ANXA4: variants seen among roughly 807,000 people sequenced by gnomAD.
ANXA4 encodes annexin A4.
A neutral mutation model predicts 49.8 loss-of-function variants in ANXA4; 39 were observed. The ratio of observed to expected loss-of-function variants is 0.78; its 90% CI spans 0.61 to 1.02. The LOEUF (loss-of-function observed/expected upper bound fraction) is 1.02. Ranked by LOEUF, ANXA4 falls within the 50% of genes least tolerant of loss-of-function variation. ANXA4 has a pLI of 0.00. For missense variants in ANXA4, 360 were observed against 410.1 expected (o/e 0.88, Z 1.05); for synonymous variants, 134 against 152.5 (o/e 0.88, Z 0.89).
At chr2:69,670,649 T>C (rs1400220060) in intron 2 of ANXA4, among the ~76,000 whole-genome samples, 1 of 151,848 alleles carries the variant, frequency 6.6e-6, no homozygotes, top group East Asian at 1.9e-4. Context: ...GACATATACA[T>C]GGGGAAGAGT....
chr2:69,816,827 T>C (rs1674014566), intron 9 of ANXA4: 1 of 152,264 alleles, frequency 6.6e-6, no homozygotes, highest in Non-Finnish European at 1.5e-5. Flanking sequence ...ATACGAGTTC[T>C]TTAGATCTTT....
At chr2:69,795,235 T>C (rs1672895273) in intron 3 of ANXA4, among the ~76,000 whole-genome samples, 1 of 152,250 alleles carries the variant, frequency 6.6e-6, no homozygotes, top group South Asian at 2.1e-4. Flanking sequence ...GAGTGAGGGC[T>C]GTTTTGAAAT....
chr2:69,744,124 A>C (rs2105473793), intron 1 of ANXA4, among the ~76,000 whole-genome samples: 1 of 152,310 alleles, frequency 6.6e-6, no homozygotes, highest in East Asian at 1.9e-4. Flanking sequence ...CCTGGGCAAC[A>C]TAGCAAGACC....
At chr2:69,762,935 G>A (rs1055400930) in intron 1 of ANXA4, among the ~76,000 whole-genome samples, 3 of 152,066 alleles carry the variant, frequency 2.0e-5, no homozygotes, top group Admixed American at 6.6e-5. Context: ...CCGTAAGTCC[G>A]TTTCACTTCC....
At chr2:69,737,826 C>A (rs1253669121), upstream of ANXA4, among the ~76,000 whole-genome samples, 1 of 152,042 alleles carries the variant, frequency 6.6e-6, no homozygotes, top group Non-Finnish European at 1.5e-5. Context: ...TTTCTTCTCC[C>A]CCTATACTCT....
At chr2:69,692,555 C>T (rs72901404) in intron 2 of ANXA4, among the ~76,000 whole-genome samples, 3,058 of 152,228 alleles carry the variant, frequency 0.02, 112 homozygotes, top group African/African-American at 0.069. Flanking sequence ...TTGCATATTG[C>T]CTGTTTTCTA....
At chr2:69,733,423 G>C (rs1453396476) in intron 3 of ANXA4, among the ~76,000 whole-genome samples, 2 of 152,064 alleles carry the variant, frequency 1.3e-5, no homozygotes, top group Non-Finnish European at 2.9e-5. Context: ...GGGCAATATA[G>C]TGAGACCCCA....
In ANXA4 at chr2:69,723,725, C is replaced by T. The variant is rs147741677; in HGVS notation, n.864+2854C>T. Among the ~76,000 whole-genome samples the T allele has an allele frequency of 9.9e-3, 1,508 of 152,220 alleles. 22 individuals carry two copies. The highest frequency in any genetic ancestry group is 0.033 in the African/African-American group (1,361 of 41,540). ...GATGCTATTTTATTTTGTTTTCTTTCTTCTAATAGAGACAGGGTCTTGCTA... is the reference window on the plus strand; with the variant it reads ...GATGCTATTTTATTTTGTTTTCTTTTTTCTAATAGAGACAGGGTCTTGCTA... On this transcript the variant is annotated intron_variant and non_coding_transcript_variant, in intron 3 of 3. Coordinates refer to the ANXA4 transcript ENST00000418066.
intron 1 of ANXA4, among the ~76,000 whole-genome samples, chr2:69,746,343 C>G (rs1670612578): frequency 6.6e-6 from 1 of 152,164 alleles, no homozygotes; most frequent in African/African-American, 2.4e-5. Context: ...ATCACATCTC[C>G]CTTGTGATTT....
chr2:69,816,833 T>C (rs1433550073), intron 9 of ANXA4: 1 of 152,262 alleles, frequency 6.6e-6, no homozygotes, highest in Non-Finnish European at 1.5e-5. Flanking sequence ...GTTCTTTAGA[T>C]CTTTAAGTAC....
upstream of ANXA4, among the ~76,000 whole-genome samples, chr2:69,739,874 G>A (rs983331019): frequency 2.6e-5 from 4 of 152,172 alleles, no homozygotes; most frequent in Non-Finnish European, 5.9e-5. Context: ...GGAAGCCTCC[G>A]AGTAAGTGAG....
chr2:69,772,303 G>A (rs1443227851), intron 1 of ANXA4, among the ~76,000 whole-genome samples: 3 of 152,238 alleles, frequency 2.0e-5, no homozygotes, highest in African/African-American at 4.8e-5. Flanking sequence ...GCAGCTTATG[G>A]ATTGTAGAAA....
At chr2:69,745,577 C>T (rs925142035) in intron 1 of ANXA4, among the ~76,000 whole-genome samples, 2 of 152,074 alleles carry the variant, frequency 1.3e-5, no homozygotes, top group African/African-American at 4.8e-5. Context: ...GTCACTCAGG[C>T]TGGAGTGCAA....
At chr2:69,649,101 G>C (rs1676126249) in intron 1 of ANXA4, among the ~76,000 whole-genome samples, 1 of 151,842 alleles carries the variant, frequency 6.6e-6, no homozygotes, top group African/African-American at 2.4e-5. Flanking sequence ...GGTCAGGCTG[G>C]TCTCGAGCTC....
rs571663502 is a variant in ANXA4 at position 69,719,451 on chromosome 2, T to A, written n.767-1323T>A. Among the ~76,000 whole-genome samples the A allele has an allele frequency of 7.0e-4, 106 of 151,608 alleles. 1 individual carries two copies. The East Asian group carries it at 9.5e-3, about 14-fold the overall frequency. On this transcript the variant is annotated intron_variant and non_coding_transcript_variant, in intron 2 of 3. Coordinates refer to the ANXA4 transcript ENST00000418066. ...GTAATTTTTAAAAATTATTATTATT[T>A]TTTTTTGAGACGGAGTCTTGCTCTG... is the stretch of plus-strand genomic sequence containing the variant.
intron 2 of ANXA4, among the ~76,000 whole-genome samples, chr2:69,661,822 A>G (rs953925017): frequency 6.6e-6 from 1 of 152,116 alleles, no homozygotes; most frequent in Non-Finnish European, 1.5e-5. Context: ...GATTTCTTGT[A>G]AGTCTGTACA....
chr2:69,740,609 C>T (rs1670360218), upstream of ANXA4, among the ~76,000 whole-genome samples: 5 of 151,100 alleles, frequency 3.3e-5, no homozygotes, highest in Admixed American at 2.6e-4. Flanking sequence ...CGTGGCTATG[C>T]ACCCGGCTAA....
intron 3 of ANXA4, among the ~76,000 whole-genome samples, chr2:69,730,596 T>G (rs1222494491): frequency 6.6e-6 from 1 of 152,192 alleles, no homozygotes; most frequent in Non-Finnish European, 1.5e-5. Flanking sequence ...AGCTGTGACA[T>G]AGACCCACTG....
At chr2:69,776,333 C>T (rs557461105) in intron 1 of ANXA4, among the ~76,000 whole-genome samples, 115 of 152,236 alleles carry the variant, frequency 7.6e-4, no homozygotes, top group Middle Eastern at 3.4e-3. Context: ...CATGTGGCCA[C>T]CCAGGAATCA....
Sources: allele counts gnomAD v4.1 joint callset (sites outside exome capture counted in the v4.1 genomes callset), GRCh38; gene constraint gnomAD v4.1.1; transcripts MANE v1.5; gene names NCBI Gene and HGNC (gene_info 2026-07-23, HGNC 2026-07-21).